TMEM117: variants seen among roughly 807,000 people sequenced by gnomAD.
TMEM117 encodes transmembrane protein 117.
Under a neutral mutation model 52.4 loss-of-function variants are expected in TMEM117, and 27 were observed. The observed-to-expected ratio is 0.51, with a 90% CI of 0.38 to 0.71. The LOEUF is 0.71. Among genes scored for constraint, TMEM117 ranks in the 30% least tolerant of loss-of-function variants. The pLI, the probability that TMEM117 is intolerant of heterozygous loss-of-function variation, is 0.00. For missense variants in TMEM117, 556 were observed against 630.5 expected, an observed-to-expected ratio of 0.88 and a Z score of 1.26; for synonymous variants, 215 against 206.3, an observed-to-expected ratio of 1.04 and a Z score of -0.36.
At chr12:44,274,953 T>C (rs575020444) in intron 5 of TMEM117, among the ~76,000 whole-genome samples, 1 of 152,082 alleles carries the variant, frequency 6.6e-6, no homozygotes, top group Admixed American at 6.5e-5. Flanking sequence ...AGTTGGCAAA[T>C]GGGATCACAT....
intron 2 of TMEM117, among the ~76,000 whole-genome samples, chr12:43,917,330 G>T (rs1320519226): frequency 2.0e-5 from 3 of 151,806 alleles, no homozygotes; most frequent in Admixed American, 6.6e-5. Context: ...GAGCTCAGTA[G>T]TTTGAGGCTG....
chr12:44,203,477 ACTCATT>A (rs1247420360), intron 4 of TMEM117, among the ~76,000 whole-genome samples: 34 of 149,822 alleles, frequency 2.3e-4, no homozygotes, highest in African/African-American at 8.3e-4. Flanking sequence ...GGTTTTGGTT[ACTCATT>A]TCTCCTGCTA....
chr12:44,353,196 G>C (rs901226415), intron 6 of TMEM117, among the ~76,000 whole-genome samples: 32 of 152,126 alleles, frequency 2.1e-4, no homozygotes, highest in Admixed American at 6.5e-4. Flanking sequence ...CTGGATATTA[G>C]CCCTTTGTCA....
intron 2 of TMEM117, among the ~76,000 whole-genome samples, chr12:43,914,062 G>A (rs1944559264): frequency 6.6e-6 from 1 of 152,064 alleles, no homozygotes; most frequent in African/African-American, 2.4e-5. Flanking sequence ...GTGCATCTGA[G>A]GGCAGACAAA....
chr12:44,214,138 ATTTTTT>A (rs773352634), intron 5 of TMEM117, among the ~76,000 whole-genome samples: 26 of 99,222 alleles, frequency 2.6e-4, no homozygotes, highest in African/African-American at 6.1e-4. Flanking sequence ...TTTTTTTTTA[ATTTTTT>A]TTTTTTTTTT....
intron 6 of TMEM117, among the ~76,000 whole-genome samples, chr12:44,338,342 G>A (rs1428014339): frequency 6.6e-6 from 1 of 151,990 alleles, no homozygotes; most frequent in African/African-American, 2.4e-5. Context: ...GACCTATCCT[G>A]TTTAACTTTT....
At chr12:43,948,152 G>C (rs1232353935) in intron 3 of TMEM117, among the ~76,000 whole-genome samples, 5 of 152,056 alleles carry the variant, frequency 3.3e-5, no homozygotes, top group African/African-American at 1.2e-4. Context: ...CAGATGGAGA[G>C]GGAAAGAGGT....
At chr12:43,834,177 AACTG>A (rs1942998798), upstream of TMEM117, among the ~76,000 whole-genome samples, 1 of 152,240 alleles carries the variant, frequency 6.6e-6, no homozygotes, top group African/African-American at 2.4e-5. Flanking sequence ...TTTCAGTTTT[AACTG>A]ACTGAAGAGT....
rs555694503 is a variant in TMEM117 at position 44,139,061 on chromosome 12, G to A, written c.411-4464G>A. 2.6e-5 allele frequency among the ~76,000 whole-genome samples: 4 copies of A among 152,260 alleles called. No homozygotes were observed. The East Asian group carries it at 7.7e-4, about 29-fold the overall frequency. ...TCATGCAAGTCAACTCCTCGCCCAT[G>A]ATTTACTTGTGTGTGAAGCCCCCAA... On this transcript the variant is annotated intron_variant, in intron 3 of 7. Coordinates refer to ENST00000266534, the MANE Select transcript of TMEM117 (RefSeq NM_032256.3).
chr12:44,352,470 G>A (rs1023335226), intron 6 of TMEM117, among the ~76,000 whole-genome samples: 8 of 151,616 alleles, frequency 5.3e-5, no homozygotes, highest in Admixed American at 3.3e-4. Flanking sequence ...AACAGTCCCC[G>A]GAGTGTGATG....
chr12:43,847,607 A>G (rs867427273), intron 2 of TMEM117, among the ~76,000 whole-genome samples: 118 of 152,210 alleles, frequency 7.8e-4, no homozygotes, highest in African/African-American at 2.6e-3. Flanking sequence ...AATGATACCA[A>G]TCTGGATTGT....
At chr12:44,333,477 C>A (rs1156983840) in intron 6 of TMEM117, among the ~76,000 whole-genome samples, 1 of 151,872 alleles carries the variant, frequency 6.6e-6, no homozygotes, top group African/African-American at 2.4e-5. Context: ...ACATGGTGGG[C>A]AGAAATTGGA....
intron 3 of TMEM117, among the ~76,000 whole-genome samples, chr12:44,096,445 G>A (rs186379127): frequency 0.016 from 2,489 of 151,960 alleles, 45 homozygotes; most frequent in Non-Finnish European, 0.021. Flanking sequence ...GAGGCATCAC[G>A]CTACCTGACT....
chr12:44,140,660 C>G (rs1279485559), intron 3 of TMEM117, among the ~76,000 whole-genome samples: 1 of 152,054 alleles, frequency 6.6e-6, no homozygotes, highest in Non-Finnish European at 1.5e-5. Context: ...TAAGTGGAGA[C>G]AGTAGAAGCT....
intron 6 of TMEM117, among the ~76,000 whole-genome samples, chr12:44,335,890 A>C (rs1248669818): frequency 6.6e-6 from 1 of 152,054 alleles, no homozygotes; most frequent in Non-Finnish European, 1.5e-5. Context: ...CTAAAACTAC[A>C]TACACTACAA....
intron 4 of TMEM117, among the ~76,000 whole-genome samples, chr12:44,176,782 T>C (rs931463697): frequency 2.0e-5 from 3 of 152,172 alleles, no homozygotes; most frequent in African/African-American, 7.2e-5. Context: ...TTCTCTGCAT[T>C]GTGAGGTGTT....
intron 3 of TMEM117, among the ~76,000 whole-genome samples, chr12:44,106,824 A>C (rs952323878): frequency 2.6e-5 from 4 of 152,022 alleles, no homozygotes; most frequent in African/African-American, 9.7e-5. Flanking sequence ...TGAATAGTAC[A>C]TTGAATATTT....
At chr12:44,325,814 A>G (rs564989283) in intron 6 of TMEM117, among the ~76,000 whole-genome samples, 1 of 152,280 alleles carries the variant, frequency 6.6e-6, no homozygotes, top group South Asian at 2.1e-4. Context: ...ATTCTTGAAC[A>G]CTGCTCATAG....
chr12:43,928,592 T>G (rs11829881), intron 2 of TMEM117, among the ~76,000 whole-genome samples: 22,858 of 152,068 alleles, frequency 0.15, 2,667 homozygotes, highest in African/African-American at 0.32. Context: ...TTTATTTATT[T>G]ATTTATTTTT....
Sources: allele counts gnomAD v4.1 joint callset (sites outside exome capture counted in the v4.1 genomes callset), GRCh38; gene constraint gnomAD v4.1.1; transcripts MANE v1.5; gene names NCBI Gene and HGNC (gene_info 2026-07-23, HGNC 2026-07-21).